Variants in TAF2 observed in about 807,000 individuals in gnomAD.
TAF2 encodes the protein transcription initiation factor TFIID subunit 2.
Under a neutral mutation model 138.5 loss-of-function variants are expected in TAF2, and 61 were observed. The ratio of observed to expected loss-of-function variants is 0.44; its 90% CI spans 0.36 to 0.54. The LOEUF (loss-of-function observed/expected upper bound fraction) is 0.54, where lower values mean the gene tolerates loss of function less well. Ranked by LOEUF, TAF2 falls within the 20% of genes least tolerant of loss-of-function variation. TAF2 has a pLI of 0.00. For synonymous variants in TAF2, 475 were observed against 469.9 expected (o/e 1.01, Z -0.14); for missense variants, 1,090 against 1,427.9 (o/e 0.76, Z 3.81).
At chr8:119,822,579 A>G (rs979771711) in intron 2 of TAF2, among the ~76,000 whole-genome samples, 2 of 152,296 alleles carry the variant, frequency 1.3e-5, no homozygotes, top group South Asian at 2.1e-4. Context: ...TTGAATATAG[A>G]TATGTCTGAT....
At chr8:119,766,668 T>G (rs1255392115) in intron 18 of TAF2, among the ~76,000 whole-genome samples, 1 of 152,036 alleles carries the variant, frequency 6.6e-6, no homozygotes, top group African/African-American at 2.4e-5. Flanking sequence ...AAAAATTAGC[T>G]GAGTGTGGTA....
Position 119,731,656 on chromosome 8 carries a change from T to C in TAF2, c.*268A>G. On this transcript the variant is annotated 3_prime_UTR_variant, in exon 26 of 26. Coordinates refer to ENST00000378164, the MANE Select transcript of TAF2 (RefSeq NM_003184.4). Reference sequence around the variant, plus strand: ...GGACTGCCAGTGGATATGAGGGCTTTTATGAAAGGGAGTTTGCTCTGTGTG... The same window carrying C: ...GGACTGCCAGTGGATATGAGGGCTTCTATGAAAGGGAGTTTGCTCTGTGTG... 4.3e-6 allele frequency: 2 copies of C among 470,484 alleles called. No homozygotes were observed. Among genetic ancestry groups the C allele is most frequent in the Non-Finnish European group, 7.8e-6 (2 of 257,252 alleles). 29.1% of individuals were successfully genotyped at this position (470,484 alleles called of 1,614,324 possible).
intron 23 of TAF2, 92 bp from the exon 24 acceptor site, chr8:119,744,485 C>G: frequency 1.0e-6 from 1 of 995,676 alleles, no homozygotes; most frequent in African/African-American, 1.6e-5. Flanking sequence ...GCAGAGAGGC[C>G]ATAGGATATA....
At chr8:119,749,037 A>G (rs904449659) in intron 22 of TAF2, among the ~76,000 whole-genome samples, 3 of 152,204 alleles carry the variant, frequency 2.0e-5, no homozygotes, top group Non-Finnish European at 4.4e-5. Context: ...ACCAGCCTGA[A>G]CTTTTGTATG....
At chr8:119,827,985 T>C (rs1226927468) in intron 2 of TAF2, among the ~76,000 whole-genome samples, 1 of 152,122 alleles carries the variant, frequency 6.6e-6, no homozygotes, top group Non-Finnish European at 1.5e-5. Context: ...CCTCGTGATC[T>C]GCCCACCTCG....
Position 119,758,160 on chromosome 8 carries a change from T to C in TAF2, c.2699-18A>G, listed in dbSNP as rs746203810. The stretch of plus-strand genomic sequence containing the variant: ...TCTGTCCACTGAAAATAAAAGAAAA[T>C]ATATTTGTTGTTAATTATAACAAAT... On this transcript the variant is annotated intron_variant, in intron 20 of 25. Coordinates refer to ENST00000378164, the MANE Select transcript of TAF2 (RefSeq NM_003184.4). The C allele has an allele frequency of 6.3e-6, 10 of 1,583,280 alleles. No individual in the cohort carries two copies. The highest frequency in any genetic ancestry group is 6.9e-6 in the Non-Finnish European group (8 of 1,154,278).
chr8:119,762,854 A>G (rs1821160896), intron 18 of TAF2: 1 of 346,454 alleles, frequency 2.9e-6, no homozygotes, highest in African/African-American at 2.1e-5. Context: ...AGGAAAGCAT[A>G]AAGAAACTGG....
chr8:119,810,200 T>A (rs1357450721), intron 3 of TAF2, among the ~76,000 whole-genome samples: 2 of 152,090 alleles, frequency 1.3e-5, no homozygotes, highest in African/African-American at 4.8e-5. Context: ...AGTTCTATCA[T>A]CCCCAAAAAG....
At chr8:119,786,743 G>A (rs1425547374) in intron 14 of TAF2, among the ~76,000 whole-genome samples, 1 of 152,118 alleles carries the variant, frequency 6.6e-6, no homozygotes, top group African/African-American at 2.4e-5. Context: ...CTAACATGGT[G>A]AAACCCTGTC....
chr8:119,812,820 C>A (rs1825187572), intron 3 of TAF2, among the ~76,000 whole-genome samples: 1 of 16 alleles, frequency 0.062, no homozygotes, highest in African/African-American at 0.5. Flanking sequence ...ACCACACATA[C>A]ACACCATTTC....
chr8:119,755,015 G>A (rs914277374), intron 22 of TAF2, among the ~76,000 whole-genome samples: 14 of 152,290 alleles, frequency 9.2e-5, no homozygotes, highest in African/African-American at 2.9e-4. Context: ...GCCAGACACT[G>A]TGTTTTACAG....
At position 119,797,652 on chromosome 8, in the gene TAF2, A is replaced by C; in HGVS notation, c.977+10T>G. ...TAATTTAGGCATTTCAAATCTGAAG[A>C]GATACCAACCTAAAAATGCTCATGG... On this transcript the variant is annotated intron_variant, in intron 7 of 25. Coordinates refer to ENST00000378164, the MANE Select transcript of TAF2 (RefSeq NM_003184.4). The C allele has an allele frequency of 6.2e-7, 1 of 1,611,536 alleles. No individual in the cohort carries two copies. The highest frequency in any genetic ancestry group is 8.5e-7 in the Non-Finnish European group (1 of 1,178,380).
intron 2 of TAF2, among the ~76,000 whole-genome samples, chr8:119,826,865 C>T (rs193024057): frequency 3.9e-5 from 6 of 152,158 alleles, no homozygotes; most frequent in African/African-American, 9.7e-5. Flanking sequence ...GGGTTATAGG[C>T]GTGAGCCACC....
Position 119,785,229 on chromosome 8 carries a change from C to A in TAF2, c.1831G>T (p.Glu611Ter), listed in dbSNP as rs1822938290. The change falls in exon 15 of 26, where the codon GAA (glutamate) becomes TAA (stop). Residue 611 changes from glutamate to a stop codon, truncating the protein, a stop_gained. Transcript: ENST00000378164. LOFTEE classifies it high-confidence loss of function. ...KKKIPLMNGE[E>*]VDMDLSAMDA... ...ATTGCAGAAAGATCCATATCAACTTCTTCTCCATTCATCAGTGGGATTTTT... is the reference window on the plus strand; with the variant it reads ...ATTGCAGAAAGATCCATATCAACTTATTCTCCATTCATCAGTGGGATTTTT... The A allele has an allele frequency of 1.2e-6, 2 of 1,612,846 alleles. No homozygotes were observed. The highest frequency in any genetic ancestry group is 1.1e-5 in the South Asian group (1 of 91,032).
intron 23 of TAF2, among the ~76,000 whole-genome samples, chr8:119,745,795 ATGTGTGTGTGTG>A (rs58444614): frequency 0.035 from 5,048 of 143,536 alleles, 139 homozygotes; most frequent in African/African-American, 0.074. Flanking sequence ...AGGCAAACGA[ATGTGTGTGTGTG>A]TGTGTGTGTG....
At position 119,746,849 on chromosome 8, in the gene TAF2, G is replaced by A. The variant is rs1563823023; in HGVS notation, c.2964C>T (p.Pro988=). Residue 988 remains proline (P), a synonymous_variant, in exon 23 of 26, where the codon CCC becomes CCT. Transcript: ENST00000378164. ...TAAGAACCAACCCAAGCTCTGGCAA[G>A]GGTAAACAGGAAGGTCTACTGAGGC... The part of the protein sequence containing the change: ...LFGLSRPSCL[P]LPELGLVLNL... 6.2e-7 allele frequency: 1 copy of A among 1,614,102 alleles called. No homozygotes were observed. Among genetic ancestry groups the A allele is most frequent in the Admixed American group, 1.7e-5 (1 of 60,016 alleles).
chr8:119,797,683 T>G lies in TAF2; in HGVS notation c.956A>C (p.Tyr319Ser). Residue 319 changes from tyrosine (Y) to serine (S), a missense_variant, in exon 7 of 26, where the codon TAT (tyrosine) becomes TCT (serine). Tyr to Ser is a moderately radical substitution (Grantham distance 144, BLOSUM62 -2). Transcript: ENST00000378164. Reference protein sequence around the residue: ...IDEAYVEVAAYASMSIFSTNL... With the variant: ...IDEAYVEVAASASMSIFSTNL... ...CAACCTAAAAATGCTCATGGAAGCA[T>G]AAGCAGCCACTTCAACATAAGCCTC... 1 of 1,613,418 alleles carries G rather than the reference T, an allele frequency of 6.2e-7. No homozygotes were observed. The highest frequency in any genetic ancestry group is 8.5e-7 in the Non-Finnish European group (1 of 1,179,678).
chr8:119,795,618 C>G lies in TAF2; in HGVS notation c.1105G>C (p.Val369Leu), dbSNP rs1823769547. The G allele has an allele frequency of 1.2e-6, 2 of 1,613,656 alleles. No homozygotes were observed. The highest frequency in any genetic ancestry group is 1.7e-6 in the Non-Finnish European group (2 of 1,179,768). The change falls in exon 9 of 26, where the codon GTG (valine) becomes CTG (leucine). Residue 369 changes from valine (V) to leucine (L), a missense_variant. Physicochemically the swap from Val to Leu is conservative, Grantham distance 32 (BLOSUM62 1). This residue lies in a region of TAF2 where 504 missense variants were observed against 680.9 expected (regional missense o/e 0.74). Coordinates refer to ENST00000378164, the MANE Select transcript of TAF2 (RefSeq NM_003184.4). Reference protein sequence around the residue: ...ISRMSWSDEWVLKGISGYIYG... With the variant: ...ISRMSWSDEWLLKGISGYIYG... Reference sequence around the variant, plus strand: ...ATATAGCCTGAAATTCCCTTCAGCACCCATTCATCAGACCTAAGCAAAAAG... The same window carrying G: ...ATATAGCCTGAAATTCCCTTCAGCAGCCATTCATCAGACCTAAGCAAAAAG...
rs762078987 is a variant in TAF2, at chr8:119,832,558, G to C, written c.7C>G (p.Leu3Val). The C allele has an allele frequency of 1.2e-6, 2 of 1,613,106 alleles. No individual in the cohort carries two copies. Among genetic ancestry groups the C allele is most frequent in the Non-Finnish European group, 1.7e-6 (2 of 1,180,016 alleles). ...ATTCTGGCGGGCTCTACACCAGTCA[G>C]CGGCATGAAGCGGTCCCGCGGAGCT... MP[L>V]TGVEPARMNR... The change falls in exon 1 of 26, where the codon CTG becomes GTG. Residue 3 changes from leucine to valine, a missense_variant. Physicochemically the swap from Leu to Val is conservative, Grantham distance 32 (BLOSUM62 1). This residue lies in a region of TAF2 where 504 missense variants were observed against 680.9 expected (regional missense o/e 0.74). Transcript: ENST00000378164.
Sources: gnomAD v4.1 joint callset for allele counts (sites outside exome capture counted in the v4.1 genomes callset) on GRCh38, gnomAD v4.1.1 for gene constraint, gnomAD v4.1.1 regional missense constraint, MANE v1.5 for transcripts, NCBI Gene and HGNC (gene_info 2026-07-23, HGNC 2026-07-21) for gene names.